TMEM71: variants seen among roughly 807,000 people sequenced by gnomAD.
TMEM71 encodes the protein transmembrane protein 71.
In TMEM71, 44 loss-of-function variants were observed where a neutral mutation model predicts 38.0. The observed-to-expected ratio is 1.16, with a 90% confidence interval of 0.91 to 1.49. TMEM71 has a LOEUF of 1.49. Among genes scored for constraint, TMEM71 ranks in the 40% most tolerant of loss-of-function variants. TMEM71 has a pLI of 0.00. For missense variants in TMEM71, 367 were observed against 348.6 expected, an observed-to-expected ratio of 1.05 and a Z score of -0.42; for synonymous variants, 133 against 122.5, an observed-to-expected ratio of 1.09 and a Z score of -0.56.
At chr8:132,708,869 G>GGGGGCCA (rs1306985809), downstream of TMEM71, among the ~76,000 whole-genome samples, 1 of 152,178 alleles carries the variant, frequency 6.6e-6, no homozygotes, top group African/African-American at 2.4e-5. Flanking sequence ...AGATGGAGGA[G>GGGGGCCA]GGGGCCAGGG....
chr8:132,768,685 T>C, the TMEM71 span, among the ~76,000 whole-genome samples: 2 of 152,226 alleles, frequency 1.3e-5, no homozygotes. Context: ...ATCCGATACT[T>C]GACCACAAGG....
At chr8:132,745,980 T>C (rs1018535644) in intron 5 of TMEM71, among the ~76,000 whole-genome samples, 1 of 146,182 alleles carries the variant, frequency 6.8e-6, no homozygotes, top group Admixed American at 7.0e-5. Flanking sequence ...TATTCATGAA[T>C]ATAAAGATGG....
intron 3 of TMEM71, among the ~76,000 whole-genome samples, chr8:132,756,007 T>C (rs1292137802): frequency 6.6e-6 from 1 of 152,190 alleles, no homozygotes; most frequent in Non-Finnish European, 1.5e-5. Flanking sequence ...TCTGTTCATA[T>C]TGATTCGTTT....
At chr8:132,770,173 C>T in the TMEM71 span, among the ~76,000 whole-genome samples, 6 of 152,166 alleles carry the variant, frequency 3.9e-5, no homozygotes, top group Admixed American at 3.9e-4. Context: ...CTAGATTTGT[C>T]TCTCATTTGG....
chr8:132,710,932 G>A lies in TMEM71; in HGVS notation c.*35C>T, dbSNP rs1207297354. On this transcript the variant is annotated 3_prime_UTR_variant, in exon 10 of 10. Coordinates refer to ENST00000677595, the MANE Select transcript of TMEM71 (RefSeq NM_001382403.1). ...TTGGACAATTTCCAGATATTCAGATGGAGGACATTCATCGAAGGCATTCCT... is the reference window on the plus strand; with the variant it reads ...TTGGACAATTTCCAGATATTCAGATAGAGGACATTCATCGAAGGCATTCCT... 2 of 1,598,098 alleles carry A rather than the reference G, an allele frequency of 1.3e-6. No individual in the cohort carries two copies. The highest frequency in any genetic ancestry group is 1.7e-6 in the Non-Finnish European group (2 of 1,167,078).
rs761477649 is a variant in TMEM71, at chr8:132,713,164, C to T, written c.872+831G>A. Among the ~76,000 whole-genome samples, 268 of 127,326 alleles carry T rather than the reference C, an allele frequency of 2.1e-3. 3 individuals carry two copies. Among genetic ancestry groups the T allele is most frequent in the Non-Finnish European group, 1.2e-3 (81 of 65,964 alleles). The allele number at this position is 127,326 out of a possible 152,430, so 83.5% of individuals were successfully genotyped here. On this transcript the variant is annotated intron_variant, in intron 9 of 9. Transcript: ENST00000677595. Reference sequence around the variant, plus strand: ...CCAGCCTTGTCATTAATTTCAAGGGCTAAATTATAAGGATTTCTTGAGCTA... The same window carrying T: ...CCAGCCTTGTCATTAATTTCAAGGGTTAAATTATAAGGATTTCTTGAGCTA...
At chr8:132,749,911 G>A (rs976646378) in intron 4 of TMEM71, among the ~76,000 whole-genome samples, 4 of 151,932 alleles carry the variant, frequency 2.6e-5, no homozygotes, top group South Asian at 4.2e-4. Context: ...CTACTTGGGA[G>A]GCGGAGGCAG....
chr8:132,770,150 G>A, the TMEM71 span, among the ~76,000 whole-genome samples: 1 of 152,236 alleles, frequency 6.6e-6, no homozygotes, highest in Non-Finnish European at 1.5e-5. Context: ...GTGAATGTTA[G>A]GTCAATCTCT....
chr8:132,711,105 G>T, intron 9 of TMEM71, 123 bp from the exon 10 acceptor site: 1 of 853,096 alleles, frequency 1.2e-6, no homozygotes, highest in African/African-American at 1.8e-5. Flanking sequence ...TACCCACAAC[G>T]GGCCTGAATT....
At chr8:132,762,447 C>T (rs968475291), upstream of TMEM71, among the ~76,000 whole-genome samples, 16 of 151,976 alleles carry the variant, frequency 1.1e-4, no homozygotes, top group East Asian at 1.9e-4. Context: ...TCCACTTTTC[C>T]GAAGAGCTCA....
intron 5 of TMEM71, among the ~76,000 whole-genome samples, chr8:132,737,796 T>C (rs1827828497): frequency 6.6e-6 from 1 of 152,222 alleles, no homozygotes; most frequent in Admixed American, 6.5e-5. Flanking sequence ...GCTCCTTTCT[T>C]CTCATTCACT....
At chr8:132,717,969 G>T (rs555839432) in intron 7 of TMEM71, among the ~76,000 whole-genome samples, 27 of 152,166 alleles carry the variant, frequency 1.8e-4, no homozygotes, top group Admixed American at 5.2e-4. Flanking sequence ...AAAACATTAT[G>T]CTACATAAGT....
chr8:132,749,063 T>C (rs1828549400), intron 4 of TMEM71, among the ~76,000 whole-genome samples: 1 of 152,162 alleles, frequency 6.6e-6, no homozygotes, highest in African/African-American at 2.4e-5. Flanking sequence ...AATCAATAAA[T>C]TTATTTTATT....
chr8:132,747,250 C>A, intron 4 of TMEM71, 136 bp from the exon 5 acceptor site: 5 of 776,964 alleles, frequency 6.4e-6, no homozygotes, highest in Non-Finnish European at 9.6e-6. Flanking sequence ...TCTCAAAATT[C>A]TACTGTGTGC....
At chr8:132,707,064 A>C (rs940144880), downstream of TMEM71, among the ~76,000 whole-genome samples, 1 of 152,264 alleles carries the variant, frequency 6.6e-6, no homozygotes, top group Non-Finnish European at 1.5e-5. Context: ...ATTCCAATGG[A>C]GTAAAGTCTA....
the TMEM71 span, among the ~76,000 whole-genome samples, chr8:132,767,993 G>T: frequency 6.6e-6 from 1 of 152,170 alleles, no homozygotes; most frequent in African/African-American, 2.4e-5. Flanking sequence ...CGTAATATGG[G>T]GGTAGGGATG....
In TMEM71 at chr8:132,714,022, CT is replaced by C. The variant is rs1826372546; in HGVS notation, c.844del (p.Ser282AlafsTer52). ...YVKSLFLSLA[S>X]YFKTTACARF... ...AGCACAGGCAGTGGTTTTGAAATAG[CT>C]GGCAAGGCTGAGAAACAATGATTTC... is the stretch of plus-strand genomic sequence containing the variant. On this transcript the variant is annotated frameshift_variant, in exon 9 of 10. Coordinates refer to ENST00000677595, the MANE Select transcript of TMEM71 (RefSeq NM_001382403.1). LOFTEE classifies it high-confidence loss of function. 6.2e-7 allele frequency: 1 copy of C among 1,613,834 alleles called. No homozygotes were observed. The highest frequency in any genetic ancestry group is 1.3e-5 in the African/African-American group (1 of 74,904).
chr8:132,774,331 A>C, the TMEM71 span, among the ~76,000 whole-genome samples: 1 of 152,232 alleles, frequency 6.6e-6, no homozygotes, highest in Admixed American at 6.5e-5. Flanking sequence ...TCTTATTTAT[A>C]TCTTTTCTAT....
intron 4 of TMEM71, among the ~76,000 whole-genome samples, chr8:132,749,958 G>A (rs1178849383): frequency 1.4e-5 from 2 of 147,768 alleles, no homozygotes; most frequent in African/African-American, 5.0e-5. Flanking sequence ...AGGTTGCAGT[G>A]AGCAGAGATA....
Sources: gnomAD v4.1 joint callset for allele counts (sites outside exome capture counted in the v4.1 genomes callset) on GRCh38, gnomAD v4.1.1 for gene constraint, MANE v1.5 for transcripts, NCBI Gene and HGNC (gene_info 2026-07-23, HGNC 2026-07-21) for gene names.